The following RBFOX1 variants were observed in gnomAD, a reference collection of about 807,000 sequenced individuals.
The protein encoded by RBFOX1 is RNA binding fox-1 homolog 1, also known as RNA binding protein fox-1 homolog 1.
Under a neutral mutation model 57.7 loss-of-function variants are expected in RBFOX1, and 8 were observed. The observed-to-expected ratio is 0.14, with a 90% CI of 0.08 to 0.25. The LOEUF (loss-of-function observed/expected upper bound fraction) is 0.25, where lower values mean the gene tolerates loss of function less well. RBFOX1 is among the 10% of genes least tolerant of loss of function. The pLI is 1.00. For synonymous variants in RBFOX1, 326 were observed against 222.4 expected (o/e 1.47, Z -4.15); for missense variants, 611 against 548.5 (o/e 1.11, Z -1.14).
intron 1 of RBFOX1, among the ~76,000 whole-genome samples, chr16:6,079,145 C>T (rs555418292): frequency 2.2e-4 from 19 of 88,342 alleles, no homozygotes; most frequent in African/African-American, 8.6e-4. Flanking sequence ...CTCATCTCTA[C>T]TGAAAATAAA....
At chr16:6,011,447 A>G (rs1242343842) in intron 4 of RBFOX1, among the ~76,000 whole-genome samples, 1 of 152,098 alleles carries the variant, frequency 6.6e-6, no homozygotes, top group Non-Finnish European at 1.5e-5. Flanking sequence ...TTAAAGATTT[A>G]AAAACGAAGT....
chr16:6,662,151 G>A (rs1177177457), intron 3 of RBFOX1, among the ~76,000 whole-genome samples: 9 of 151,786 alleles, frequency 5.9e-5, no homozygotes, highest in Non-Finnish European at 1.3e-4. Flanking sequence ...AAAAAAGGGA[G>A]GATCTTGGTC....
At chr16:5,657,636 C>G (rs1466091469) in intron 3 of RBFOX1, among the ~76,000 whole-genome samples, 20 of 67,202 alleles carry the variant, frequency 3.0e-4, no homozygotes, top group African/African-American at 1.3e-3. Flanking sequence ...TTCTTTCTTT[C>G]TTTCTTTCTT....
intron 1 of RBFOX1, among the ~76,000 whole-genome samples, chr16:6,189,336 G>C (rs1034361959): frequency 1.3e-5 from 2 of 152,208 alleles, no homozygotes; most frequent in African/African-American, 4.8e-5. Context: ...TTCCCGGAGT[G>C]CATTCAAGAG....
At chr16:6,352,546 C>G (rs755541483) in intron 2 of RBFOX1, among the ~76,000 whole-genome samples, 5 of 152,106 alleles carry the variant, frequency 3.3e-5, no homozygotes, top group Non-Finnish European at 7.3e-5. Flanking sequence ...AAGGAGGGCA[C>G]TGAGAGCTGT....
intron 3 of RBFOX1, among the ~76,000 whole-genome samples, chr16:6,853,610 C>A (rs956281296): frequency 6.6e-6 from 1 of 152,056 alleles, no homozygotes; most frequent in East Asian, 1.9e-4. Flanking sequence ...CTGTATGAAG[C>A]AGTTTGATGG....
At chr16:6,862,218 C>A (rs993038330) in intron 3 of RBFOX1, among the ~76,000 whole-genome samples, 1 of 152,134 alleles carries the variant, frequency 6.6e-6, no homozygotes, top group African/African-American at 2.4e-5. Context: ...GACCCTTACT[C>A]TAGAGAGTTA....
At chr16:5,505,187 C>T (rs533819259) in intron 2 of RBFOX1, among the ~76,000 whole-genome samples, 6 of 152,152 alleles carry the variant, frequency 3.9e-5, no homozygotes, top group African/African-American at 1.4e-4. Context: ...CTGCATAAAC[C>T]TCTTGTATGA....
At chr16:7,166,414 A>G (rs554047782) in intron 4 of RBFOX1, among the ~76,000 whole-genome samples, 1 of 152,118 alleles carries the variant, frequency 6.6e-6, no homozygotes, top group Admixed American at 6.5e-5. Context: ...AAAGATAGAA[A>G]ACTATAGAGG....
chr16:5,657,140 A>T (rs1278544750), intron 3 of RBFOX1, among the ~76,000 whole-genome samples: 1 of 152,278 alleles, frequency 6.6e-6, no homozygotes, highest in African/African-American at 2.4e-5. Context: ...TATATGTGGT[A>T]TACATCTCTT....
chr16:5,803,985 C>T (rs2055146542), intron 3 of RBFOX1, among the ~76,000 whole-genome samples: 1 of 152,156 alleles, frequency 6.6e-6, no homozygotes, highest in Non-Finnish European at 1.5e-5. Context: ...CTTACCCTTC[C>T]AAGCCCAGCT....
chr16:7,555,783 C>T (rs1053422422), intron 5 of RBFOX1, among the ~76,000 whole-genome samples: 9 of 152,160 alleles, frequency 5.9e-5, no homozygotes, highest in African/African-American at 1.9e-4. Flanking sequence ...CAAATGTCAC[C>T]TTCATAAAAG....
chr16:7,070,874 C>T (rs536259046), intron 4 of RBFOX1, among the ~76,000 whole-genome samples: 136 of 152,266 alleles, frequency 8.9e-4, no homozygotes, highest in Middle Eastern at 6.8e-3. Context: ...ACAAAACCAG[C>T]ACTGACAAGA....
chr16:6,281,252 C>T (rs1428114580), intron 1 of RBFOX1, among the ~76,000 whole-genome samples: 7 of 151,988 alleles, frequency 4.6e-5, no homozygotes, highest in Non-Finnish European at 8.8e-5. Context: ...CAGATGTGAT[C>T]CCACGGAATT....
At chr16:6,890,365 G>A (rs189060282) in intron 3 of RBFOX1, among the ~76,000 whole-genome samples, 17 of 152,066 alleles carry the variant, frequency 1.1e-4, no homozygotes, top group South Asian at 2.1e-4. Flanking sequence ...CTAAAAATAC[G>A]AAAATTAGCT....
Position 7,339,908 on chromosome 16 carries a change from A to T in RBFOX1, c.28-178239A>T, listed in dbSNP as rs928554365. 2.0e-5 allele frequency among the ~76,000 whole-genome samples: 3 copies of T among 152,296 alleles called. No homozygotes were observed. In the South Asian group the frequency reaches 6.2e-4, roughly 32 times the overall value. ...CCACCTCTCCACAGTGGTTATCTCT[A>T]CTTGATCCTCACTCACAAGCACACC... is the stretch of plus-strand genomic sequence containing the variant. On this transcript the variant is annotated intron_variant, in intron 4 of 15. Transcript: ENST00000550418.
chr16:6,208,393 GTTTA>G (rs2097269238), intron 1 of RBFOX1, among the ~76,000 whole-genome samples: 1 of 146,908 alleles, frequency 6.8e-6, no homozygotes, highest in African/African-American at 2.5e-5. Context: ...GGTAGAAGCC[GTTTA>G]TTTATTCATT....
At chr16:6,960,736 C>T (rs2082790322) in intron 3 of RBFOX1, among the ~76,000 whole-genome samples, 1 of 152,024 alleles carries the variant, frequency 6.6e-6, no homozygotes, top group South Asian at 2.1e-4. Context: ...GTCACCACTG[C>T]AAGAGGGTAC....
At chr16:6,373,043 A>G (rs2090682364) in intron 2 of RBFOX1, among the ~76,000 whole-genome samples, 1 of 148,758 alleles carries the variant, frequency 6.7e-6, no homozygotes, top group African/African-American at 2.5e-5. Flanking sequence ...ATTCAGTGGC[A>G]GAGTATAGTT....
Sources: gnomAD v4.1 joint callset for allele counts (sites outside exome capture counted in the v4.1 genomes callset) on GRCh38, gnomAD v4.1.1 for gene constraint, MANE v1.5 for transcripts, NCBI Gene and HGNC (gene_info 2026-07-23, HGNC 2026-07-21) for gene names.